Variants in PELI1 observed in about 807,000 individuals in gnomAD.
PELI1 encodes the protein E3 ubiquitin-protein ligase pellino homolog 1.
PELI1 carries 15 observed loss-of-function variants against 41.3 expected under a neutral mutation model. The ratio of observed to expected loss-of-function variants is 0.36; its 90% CI spans 0.24 to 0.56. The LOEUF (loss-of-function observed/expected upper bound fraction) is 0.56, where lower values mean the gene tolerates loss of function less well. Among genes scored for constraint, PELI1 ranks in the 20% least tolerant of loss-of-function variants. The probability of loss-of-function intolerance (pLI) is 0.82; values close to 1 mark genes in which losing one functional copy is unlikely to be tolerated. For synonymous variants in PELI1, 178 were observed against 180.1 expected, an observed-to-expected ratio of 0.99 and a Z score of 0.09; for missense variants, 403 against 525.5, an observed-to-expected ratio of 0.77 and a Z score of 2.28.
intron 2 of PELI1, chr2:64,106,089 C>G (rs148914432): frequency 3.9e-5 from 6 of 152,348 alleles, no homozygotes; most frequent in African/African-American, 1.4e-4. Context: ...GTCCAAAGTA[C>G]AGCCCCTTAG....
chr2:64,138,324 T>A (rs975386943), intron 1 of PELI1, among the ~76,000 whole-genome samples: 3 of 152,214 alleles, frequency 2.0e-5, no homozygotes, highest in African/African-American at 4.8e-5. Flanking sequence ...CTGTGTATAA[T>A]GTCTTGCTCC....
Position 64,108,345 on chromosome 2 carries a change from G to A in PELI1, c.-35C>T. On this transcript the variant is annotated 5_prime_UTR_variant, in exon 2 of 7. Coordinates refer to ENST00000358912, the MANE Select transcript of PELI1 (RefSeq NM_020651.4). ...TGTCTTTCTCAAATCTTTGTTCACT[G>A]GTCAGGAGCCTTGGGACACCTTTTG... 2 of 1,333,140 alleles carry A rather than the reference G, an allele frequency of 1.5e-6. No homozygotes were observed. Among genetic ancestry groups the A allele is most frequent in the Non-Finnish European group, 1.1e-6 (1 of 926,086 alleles). 82.6% of individuals were successfully genotyped at this position (1,333,140 alleles called of 1,614,324 possible).
chr2:64,117,973 C>A (rs1011504946), intron 1 of PELI1, among the ~76,000 whole-genome samples: 2 of 152,036 alleles, frequency 1.3e-5, no homozygotes, highest in Non-Finnish European at 2.9e-5. Flanking sequence ...CCACGCCCAG[C>A]TAATTTTTTG....
At chr2:64,097,173 T>C (rs563771306) in intron 4 of PELI1, among the ~76,000 whole-genome samples, 1 of 152,212 alleles carries the variant, frequency 6.6e-6, no homozygotes, top group African/African-American at 2.4e-5. Flanking sequence ...GTATACTTCA[T>C]ATATTTTCTT....
chr2:64,106,240 C>T (rs1680617029), intron 2 of PELI1: 1 of 152,292 alleles, frequency 6.6e-6, no homozygotes, highest in Middle Eastern at 3.4e-3. Flanking sequence ...ACATTGCGTT[C>T]CTGTAGTTCA....
Position 64,094,862 on chromosome 2 carries a change from G to A in PELI1, c.1097C>T (p.Pro366Leu), listed in dbSNP as rs1361831496. ...DAGPPTHAFS[P>L]CGHVCSEKTT... ...CTTTTCTGAACACACATGCCCACAC[G>A]GGCTAAACGCATGGGTTGGAGGGCC... Residue 366 changes from proline (P) to leucine (L), a missense_variant, in exon 7 of 7, where the codon CCG (proline) becomes CTG (leucine). Physicochemically the swap from Pro to Leu is moderately conservative, Grantham distance 98. Coordinates refer to ENST00000358912, the MANE Select transcript of PELI1 (RefSeq NM_020651.4). 6.8e-6 allele frequency: 11 copies of A among 1,614,028 alleles called. No individual in the cohort carries two copies. The highest frequency in any genetic ancestry group is 1.3e-5 in the African/African-American group (1 of 74,892).
chr2:64,102,451 C>A (rs116750769), intron 3 of PELI1, among the ~76,000 whole-genome samples: 312 of 152,258 alleles, frequency 2.0e-3, no homozygotes, highest in African/African-American at 7.1e-3. Flanking sequence ...TGGCACACTA[C>A]AGCTTTAAAC....
chr2:64,140,881 T>G (rs1228429199), intron 1 of PELI1, among the ~76,000 whole-genome samples: 1 of 149,380 alleles, frequency 6.7e-6, no homozygotes, highest in African/African-American at 2.5e-5. Context: ...TGTCTTGAGG[T>G]TCCCACACAT....
intron 1 of PELI1, among the ~76,000 whole-genome samples, chr2:64,110,471 T>C (rs1216572498): frequency 1.3e-5 from 2 of 151,998 alleles, no homozygotes; most frequent in African/African-American, 4.8e-5. Flanking sequence ...GCAGACCCAC[T>C]ATAAATAAAG....
Position 64,096,618 on chromosome 2 carries a change from A to G in PELI1, c.304-8T>C, listed in dbSNP as rs754873929. On this transcript the variant is annotated splice_polypyrimidine_tract_variant and splice_region_variant and intron_variant, in intron 4 of 6. Coordinates refer to ENST00000358912, the MANE Select transcript of PELI1 (RefSeq NM_020651.4). ...TTCAGTCGACCGGCCAATCTGAGGG[A>G]AAAAAAAAAATACCTATAAACCCAT... The G allele has an allele frequency of 9.0e-5, 59 of 652,790 alleles. No individual in the cohort carries two copies. Among genetic ancestry groups the G allele is most frequent in the Admixed American group, 2.4e-4 (6 of 24,562 alleles). 40.4% of individuals were successfully genotyped at this position (652,790 alleles called of 1,614,324 possible). A position where few individuals can be genotyped will look rare whatever the true frequency, so the allele number is the denominator to read the frequency against.
chr2:64,095,950 G>C (rs1278853192), intron 6 of PELI1, among the ~76,000 whole-genome samples, 175 bp downstream of exon 6: 1 of 152,116 alleles, frequency 6.6e-6, no homozygotes, highest in Non-Finnish European at 1.5e-5. Flanking sequence ...GCTACTAAAC[G>C]AAATATTAAA....
intron 1 of PELI1, among the ~76,000 whole-genome samples, chr2:64,119,384 T>C (rs886266486): frequency 6.6e-6 from 1 of 152,174 alleles, no homozygotes; most frequent in African/African-American, 2.4e-5. Flanking sequence ...TACCTCTCTG[T>C]TTCATCGTTA....
intron 4 of PELI1, among the ~76,000 whole-genome samples, chr2:64,099,165 TACACACACACACAC>T (rs70965174): frequency 1.5e-4 from 22 of 144,894 alleles, no homozygotes; most frequent in Admixed American, 4.2e-4. Context: ...ATCTTGGAGA[TACACACACACACAC>T]ACACACACAC....
intron 5 of PELI1, 50 bp from the exon 6 acceptor site, chr2:64,096,363 A>C (rs1256000840): frequency 6.3e-7 from 1 of 1,598,612 alleles, no homozygotes; most frequent in Non-Finnish European, 8.6e-7. Flanking sequence ...TGTAACTTGG[A>C]ATGAAAGCTA....
At chr2:64,114,951 C>T (rs945616654) in intron 1 of PELI1, among the ~76,000 whole-genome samples, 16 of 152,016 alleles carry the variant, frequency 1.1e-4, no homozygotes, top group South Asian at 4.1e-4. Flanking sequence ...CAGTAAGGTA[C>T]TTAATGTTTG....
intron 1 of PELI1, among the ~76,000 whole-genome samples, chr2:64,131,501 T>A (rs912637808): frequency 1.1e-4 from 16 of 152,302 alleles, no homozygotes; most frequent in African/African-American, 3.8e-4. Flanking sequence ...TGATCCATGC[T>A]TGGTTCAATC....
At chr2:64,104,670 A>C (rs767194129) in intron 3 of PELI1, 31 bp downstream of exon 3, 4 of 1,537,910 alleles carry the variant, frequency 2.6e-6, no homozygotes. Context: ...TCTCCAAGTT[A>C]ATTTATGTAG....
chr2:64,101,319 GA>G lies in PELI1; in HGVS notation c.202-821del, dbSNP rs1179856685. 3.6e-5 allele frequency among the ~76,000 whole-genome samples: 5 copies of G among 138,118 alleles called. No individual in the cohort carries two copies. The East Asian group carries it at 1.0e-3, about 29-fold the overall frequency. 90.6% of individuals were successfully genotyped at this position (138,118 alleles called of 152,430 possible). On this transcript the variant is annotated intron_variant, in intron 3 of 6. Coordinates refer to ENST00000358912, the MANE Select transcript of PELI1 (RefSeq NM_020651.4). The stretch of plus-strand genomic sequence containing the variant: ...TGGGATTTGGTCCCAGGAGATAAAA[GA>G]AAAAAATTTAAAAAAAAAAAACAAA...
intron 1 of PELI1, among the ~76,000 whole-genome samples, chr2:64,119,345 T>G (rs1681126895): frequency 6.6e-6 from 1 of 152,196 alleles, no homozygotes; most frequent in Non-Finnish European, 1.5e-5. Flanking sequence ...ATTGACAATG[T>G]GACACTTAAA....
Sources: allele counts gnomAD v4.1 joint callset (sites outside exome capture counted in the v4.1 genomes callset), GRCh38; gene constraint gnomAD v4.1.1; transcripts MANE v1.5; gene names NCBI Gene and HGNC (gene_info 2026-07-23, HGNC 2026-07-21).